EYS: variants seen among roughly 807,000 people sequenced by gnomAD.
The protein encoded by EYS is protein eyes shut homolog.
In EYS, 250 loss-of-function variants were observed where a neutral mutation model predicts 282.1. The ratio of observed to expected loss-of-function variants is 0.89; its 90% CI spans 0.80 to 0.98. The LOEUF is 0.98. Among genes scored for constraint, EYS ranks in the 50% least tolerant of loss-of-function variants. EYS has a pLI of 0.00. For missense variants in EYS, 4,016 were observed against 3,709.0 expected (o/e 1.08, Z -2.15); for synonymous variants, 1,355 against 1,282.9 (o/e 1.06, Z -1.20).
chr6:64,411,837 C>A (rs1773901099), intron 28 of EYS, among the ~76,000 whole-genome samples: 1 of 98,166 alleles, frequency 1.0e-5, no homozygotes, highest in Non-Finnish European at 2.3e-5. Context: ...ATATGAGATA[C>A]ACATATATGT....
In EYS at chr6:65,048,847, C is replaced by T. The variant is rs971762446; in HGVS notation, c.2137+8767G>A. Among the ~76,000 whole-genome samples, 3 of 151,744 alleles carry T rather than the reference C, an allele frequency of 2.0e-5. No homozygotes were observed. In the East Asian group the frequency reaches 5.9e-4, roughly 30 times the overall value. ...ACCACAACATTCTAACCTATTTTGTCTGTAACCTAAATATCTCCTGAAATT... is the reference window on the plus strand; with the variant it reads ...ACCACAACATTCTAACCTATTTTGTTTGTAACCTAAATATCTCCTGAAATT... On this transcript the variant is annotated intron_variant, in intron 13 of 42. Coordinates refer to ENST00000503581, the MANE Select transcript of EYS (RefSeq NM_001142800.2).
intron 31 of EYS, among the ~76,000 whole-genome samples, chr6:64,120,357 T>TAAAAAAA (rs34632243): frequency 9.1e-4 from 70 of 76,758 alleles, no homozygotes; most frequent in African/African-American, 4.1e-3. Context: ...CTCCATCTCT[T>TAAAAAAA]AAAAAAAAAA....
intron 1 of EYS, among the ~76,000 whole-genome samples, chr6:65,654,978 T>TAAAA (rs36088825): frequency 1.1e-4 from 11 of 99,876 alleles, no homozygotes; most frequent in South Asian, 3.3e-4. Flanking sequence ...GGTCATTCAT[T>TAAAA]AAAAAAAAAA....
intron 22 of EYS, among the ~76,000 whole-genome samples, chr6:64,672,183 C>T (rs924852161): frequency 1.3e-5 from 2 of 152,102 alleles, no homozygotes; most frequent in Non-Finnish European, 2.9e-5. Flanking sequence ...TTAACTGATG[C>T]CCTAGTCTCT....
At chr6:63,798,987 GTATATATATATA>G (rs56290982) in intron 37 of EYS, among the ~76,000 whole-genome samples, 7 of 85,792 alleles carry the variant, frequency 8.2e-5, no homozygotes, top group East Asian at 6.9e-4. Context: ...GTATATGTGT[GTATATATATATA>G]TATATATATA....
chr6:63,739,020 C>T (rs1769004338), intron 41 of EYS, among the ~76,000 whole-genome samples: 1 of 152,146 alleles, frequency 6.6e-6, no homozygotes, highest in South Asian at 2.1e-4. Flanking sequence ...GAAGATCTTT[C>T]CTTTTTCTCA....
chr6:63,869,614 G>A (rs1772752925), intron 35 of EYS, among the ~76,000 whole-genome samples: 1 of 152,132 alleles, frequency 6.6e-6, no homozygotes, highest in Admixed American at 6.6e-5. Flanking sequence ...AGTAAACATG[G>A]CCATTATCTA....
intron 33 of EYS, among the ~76,000 whole-genome samples, chr6:64,017,827 G>A (rs1442159405): frequency 6.6e-6 from 1 of 152,166 alleles, no homozygotes; most frequent in Non-Finnish European, 1.5e-5. Flanking sequence ...AGCTGTCTAT[G>A]TTCGGGCAAT....
intron 5 of EYS, among the ~76,000 whole-genome samples, chr6:65,442,924 A>G (rs896407211): frequency 7.4e-6 from 1 of 134,540 alleles, no homozygotes; most frequent in African/African-American, 2.5e-5. Flanking sequence ...ATACATATGT[A>G]CATATATGTA....
At chr6:65,046,078 A>G (rs961282959) in intron 13 of EYS, among the ~76,000 whole-genome samples, 5 of 151,906 alleles carry the variant, frequency 3.3e-5, no homozygotes, top group Admixed American at 1.3e-4. Context: ...AGGTGGGATT[A>G]CATTCCCCTG....
intron 16 of EYS, among the ~76,000 whole-genome samples, chr6:64,906,424 C>T (rs1157376493): frequency 1.3e-5 from 2 of 152,094 alleles, no homozygotes; most frequent in Non-Finnish European, 2.9e-5. Context: ...AACATGGGTA[C>T]ATGTTTTTAA....
chr6:65,018,895 T>C (rs149785284), intron 13 of EYS, among the ~76,000 whole-genome samples: 15 of 152,304 alleles, frequency 9.8e-5, no homozygotes, highest in Admixed American at 7.8e-4. Flanking sequence ...CTTTTTGCAA[T>C]CTTAGCTTAA....
chr6:63,984,599 T>C lies in EYS; in HGVS notation c.6839A>G (p.Tyr2280Cys), dbSNP rs1035817053. 1.1e-5 allele frequency: 17 copies of C among 1,544,830 alleles called. No homozygotes were observed. The highest frequency in any genetic ancestry group is 3.3e-4 in the Middle Eastern group (2 of 5,974). Residue 2280 changes from tyrosine to cysteine, a missense_variant, in exon 35 of 43, where the codon TAT becomes TGT. Physicochemically the swap from Tyr to Cys is radical, Grantham distance 194. Coordinates refer to ENST00000503581, the MANE Select transcript of EYS (RefSeq NM_001142800.2). ...ATGGCCAAGGAACATTGATTCAAAATATGCCTGTAGAAAAAGTAACAACAA... is the reference window on the plus strand; with the variant it reads ...ATGGCCAAGGAACATTGATTCAAAACATGCCTGTAGAAAAAGTAACAACAA... ...DTEISHASQA[Y>C]FESMFLGHIP...
At chr6:64,252,257 T>A (rs1378172660) in intron 30 of EYS, among the ~76,000 whole-genome samples, 1 of 152,106 alleles carries the variant, frequency 6.6e-6, no homozygotes, top group African/African-American at 2.4e-5. Flanking sequence ...CCTCTTTCAT[T>A]GATGCCTTCC....
At chr6:65,621,900 T>A (rs1456477214) in intron 2 of EYS, among the ~76,000 whole-genome samples, 1 of 152,114 alleles carries the variant, frequency 6.6e-6, no homozygotes, top group Non-Finnish European at 1.5e-5. Flanking sequence ...GTTAAGTGAG[T>A]TAATTAACAG....
At chr6:64,083,261 C>T (rs149416744) in intron 31 of EYS, among the ~76,000 whole-genome samples, 18 of 152,118 alleles carry the variant, frequency 1.2e-4, no homozygotes, top group Middle Eastern at 3.4e-3. Flanking sequence ...TGCCACTGGA[C>T]GGAAATTTAG....
intron 35 of EYS, among the ~76,000 whole-genome samples, chr6:63,975,247 A>G (rs1340762474): frequency 6.6e-6 from 1 of 152,018 alleles, no homozygotes; most frequent in Non-Finnish European, 1.5e-5. Context: ...TATCATACAC[A>G]AAATAATATG....
chr6:64,821,277 C>T (rs758021715), intron 21 of EYS, among the ~76,000 whole-genome samples: 5 of 152,030 alleles, frequency 3.3e-5, no homozygotes, highest in Admixed American at 6.6e-5. Flanking sequence ...GTCATCCCTA[C>T]AGATCCACAG....
At chr6:65,455,974 G>GGAAA (rs1179679760) in intron 5 of EYS, among the ~76,000 whole-genome samples, 1 of 138,722 alleles carries the variant, frequency 7.2e-6, no homozygotes, top group Non-Finnish European at 1.6e-5. Context: ...GGAAGGAAGG[G>GGAAA]GAAAGAAAGA....
Sources: gnomAD v4.1 joint callset for allele counts (sites outside exome capture counted in the v4.1 genomes callset) on GRCh38, gnomAD v4.1.1 for gene constraint, MANE v1.5 for transcripts, NCBI Gene and HGNC (gene_info 2026-07-23, HGNC 2026-07-21) for gene names.